The following LAMA2 variants were observed in gnomAD, a reference collection of about 807,000 sequenced individuals.
The protein encoded by LAMA2 is laminin subunit alpha 2, also known as laminin subunit alpha-2.
A neutral mutation model predicts 364.8 loss-of-function variants in LAMA2; 269 were observed. The ratio of observed to expected loss-of-function variants is 0.74; its 90% CI spans 0.67 to 0.82. The LOEUF (loss-of-function observed/expected upper bound fraction) is 0.82, where lower values mean the gene tolerates loss of function less well. Ranked by LOEUF, LAMA2 falls within the 40% of genes least tolerant of loss-of-function variation. The pLI is 0.00. For missense variants in LAMA2, 3,807 were observed against 3,873.2 expected, an observed-to-expected ratio of 0.98 and a Z score of 0.45; for synonymous variants, 1,379 against 1,370.6, an observed-to-expected ratio of 1.01 and a Z score of -0.14.
intron 1 of LAMA2, among the ~76,000 whole-genome samples, chr6:128,936,837 A>G (rs1779846878): frequency 6.6e-6 from 1 of 152,180 alleles, no homozygotes; most frequent in Non-Finnish European, 1.5e-5. Context: ...CTGATGATGC[A>G]TCAGAAGGAA....
chr6:129,343,213 T>G (rs1162496273), intron 30 of LAMA2, among the ~76,000 whole-genome samples: 1 of 152,198 alleles, frequency 6.6e-6, no homozygotes, highest in Non-Finnish European at 1.5e-5. Flanking sequence ...TCTAAGAATT[T>G]GCTTTTGAAA....
At chr6:128,885,838 C>T (rs1776122586) in intron 1 of LAMA2, among the ~76,000 whole-genome samples, 1 of 152,212 alleles carries the variant, frequency 6.6e-6, no homozygotes, top group East Asian at 1.9e-4. Flanking sequence ...GTATGAATAG[C>T]ATTGATTCAG....
At chr6:129,459,359 A>G (rs1382024660) in intron 48 of LAMA2, among the ~76,000 whole-genome samples, 1 of 152,098 alleles carries the variant, frequency 6.6e-6, no homozygotes, top group Non-Finnish European at 1.5e-5. Context: ...AGTTGTTTCA[A>G]TTTACAACAA....
intron 3 of LAMA2, among the ~76,000 whole-genome samples, chr6:129,091,035 T>C (rs1756721361): frequency 6.6e-6 from 1 of 152,210 alleles, no homozygotes; most frequent in African/African-American, 2.4e-5. Context: ...TTATTGCTTG[T>C]TAAAATTCTT....
intron 4 of LAMA2, among the ~76,000 whole-genome samples, chr6:129,103,196 T>C (rs1429092654): frequency 6.6e-6 from 1 of 152,376 alleles, no homozygotes; most frequent in East Asian, 1.9e-4. Context: ...TATGTTTTTG[T>C]ATATTTATCC....
rs149654569 is a variant in LAMA2 at position 129,143,937 on chromosome 6, G to A, written c.676G>A (p.Asp226Asn). ...TTTAATCAATGGGAGACCAAGTGCC[G>A]ATGATCCTTCTCCAGAACTGCTAGA... ...ISLINGRPSA[D>N]DPSPELLEFT... The change falls in exon 5 of 65, where the codon GAT (aspartate) becomes AAT (asparagine). Residue 226 changes from aspartate to asparagine, a missense_variant. Around this residue, in one of 3 missense-constraint regions of LAMA2, gnomAD observed 394 missense variants for 403.5 expected, o/e 0.98. Coordinates refer to ENST00000421865, the MANE Select transcript of LAMA2 (RefSeq NM_000426.4). 1.7e-5 allele frequency: 27 copies of A among 1,611,048 alleles called. No homozygotes were observed. The highest frequency in any genetic ancestry group is 1.5e-4 in the Admixed American group (9 of 59,808).
intron 40 of LAMA2, 80 bp from the exon 41 acceptor site, chr6:129,427,670 CTG>C: frequency 1.0e-6 from 1 of 970,414 alleles, no homozygotes; most frequent in South Asian, 1.3e-5. Flanking sequence ...AAGGCAAACT[CTG>C]TGTACCAACT....
Position 129,300,721 on chromosome 6 carries a change from C to G in LAMA2, c.3038-15C>G. On this transcript the variant is annotated splice_polypyrimidine_tract_variant and intron_variant, in intron 21 of 64. Coordinates refer to ENST00000421865, the MANE Select transcript of LAMA2 (RefSeq NM_000426.4). ...ATTTTTCCCCTTCTTTGTTTTCCCT[C>G]TTATACCGGTGAAGCTTGTGAATGT... The G allele has an allele frequency of 6.2e-7, 1 of 1,613,418 alleles. No homozygotes were observed. Among genetic ancestry groups the G allele is most frequent in the Admixed American group, 1.7e-5 (1 of 59,988 alleles).
intron 8 of LAMA2, among the ~76,000 whole-genome samples, chr6:129,157,100 C>T (rs1243101333): frequency 2.0e-5 from 3 of 152,108 alleles, no homozygotes; most frequent in Admixed American, 1.3e-4. Flanking sequence ...GGAATACAAA[C>T]GAACTGAATG....
intron 18 of LAMA2, among the ~76,000 whole-genome samples, chr6:129,286,141 A>G (rs1222961928): frequency 6.6e-6 from 1 of 152,276 alleles, no homozygotes; most frequent in East Asian, 1.9e-4. Context: ...TAATGACTGC[A>G]TATCTGTGAG....
At chr6:129,066,932 A>G (rs2114810329) in intron 3 of LAMA2, among the ~76,000 whole-genome samples, 1 of 152,332 alleles carries the variant, frequency 6.6e-6, no homozygotes, top group Non-Finnish European at 1.5e-5. Context: ...TCAAATTCTA[A>G]ATGAATTAAA....
chr6:128,913,366 G>T (rs886226074), intron 1 of LAMA2, among the ~76,000 whole-genome samples: 1 of 151,978 alleles, frequency 6.6e-6, no homozygotes, highest in African/African-American at 2.4e-5. Context: ...TATTCGACTG[G>T]TGTACTTTGT....
chr6:129,376,276 C>T (rs1778370162), intron 34 of LAMA2, among the ~76,000 whole-genome samples: 1 of 152,204 alleles, frequency 6.6e-6, no homozygotes, highest in Admixed American at 6.5e-5. Flanking sequence ...GATGCTCCTG[C>T]TTATCCAATT....
At chr6:129,349,952 T>A (rs1776767773) in intron 31 of LAMA2, among the ~76,000 whole-genome samples, 1 of 152,194 alleles carries the variant, frequency 6.6e-6, no homozygotes, top group African/African-American at 2.4e-5. Context: ...TCTCTTACCA[T>A]ATTGCTTATG....
intron 15 of LAMA2, among the ~76,000 whole-genome samples, chr6:129,261,032 G>C (rs992053579): frequency 1.3e-5 from 2 of 150,316 alleles, no homozygotes; most frequent in Admixed American, 6.6e-5. Flanking sequence ...CTTTCTCTCT[G>C]AGATATTTTG....
chr6:129,150,886 A>C (rs974519932), intron 7 of LAMA2, among the ~76,000 whole-genome samples: 1 of 152,144 alleles, frequency 6.6e-6, no homozygotes, highest in Non-Finnish European at 1.5e-5. Flanking sequence ...TGACATGACA[A>C]ATCCCTCCAT....
chr6:129,353,445 C>T (rs1017970202), intron 32 of LAMA2, 88 bp downstream of exon 32: 40 of 1,065,150 alleles, frequency 3.8e-5, no homozygotes, highest in Middle Eastern at 3.0e-4. Context: ...TCTCCCCGCC[C>T]GCCTTTTTTT....
chr6:129,381,655 C>T (rs1309946086), intron 34 of LAMA2, among the ~76,000 whole-genome samples: 9 of 152,096 alleles, frequency 5.9e-5, no homozygotes, highest in Admixed American at 5.2e-4. Flanking sequence ...GGACTGGATG[C>T]ACAGTTTATC....
rs780096795 is a variant in LAMA2 at position 129,503,144 on chromosome 6, A to C, written c.8411A>C (p.Tyr2804Ser). 6.2e-7 allele frequency: 1 copy of C among 1,614,094 alleles called. No homozygotes were observed. Among genetic ancestry groups the C allele is most frequent in the African/African-American group, 1.3e-5 (1 of 74,940 alleles). The change falls in exon 60 of 65, where the codon TAC (tyrosine) becomes TCC (serine). Residue 2804 changes from tyrosine to serine, a missense_variant. Transcript: ENST00000421865. ...GAAGCTGAATCCGGCTTGCTTTTTT[A>C]CATGGCTCGCATCAATCATGCTGAT... Reference protein sequence around the residue: ...RTEAESGLLFYMARINHADFA... With the variant: ...RTEAESGLLFSMARINHADFA...
Sources: allele counts gnomAD v4.1 joint callset (sites outside exome capture counted in the v4.1 genomes callset), GRCh38; gene constraint gnomAD v4.1.1; regional missense constraint gnomAD v4.1.1; transcripts MANE v1.5; gene names NCBI Gene and HGNC (gene_info 2026-07-23, HGNC 2026-07-21).